Variants in EHMT1 observed in about 807,000 individuals in gnomAD.
The protein encoded by EHMT1 is histone-lysine N-methyltransferase EHMT1.
In EHMT1, 15 loss-of-function variants were observed where a neutral mutation model predicts 147.2. The ratio of observed to expected loss-of-function variants is 0.10; its 90% CI spans 0.07 to 0.16. The LOEUF is 0.16. Among genes scored for constraint, EHMT1 ranks in the 10% least tolerant of loss-of-function variants. The pLI is 1.00. For missense variants in EHMT1, 1,587 were observed against 1,772.4 expected, an observed-to-expected ratio of 0.90 and a Z score of 1.88; for synonymous variants, 795 against 709.6, an observed-to-expected ratio of 1.12 and a Z score of -1.91.
Position 137,786,978 on chromosome 9 carries a change from CTG to C in EHMT1, c.2383-3866_2383-3865del, listed in dbSNP as rs905427953. 1 of 152,346 alleles carries C rather than the reference CTG, an allele frequency of 6.6e-6. No individual in the cohort carries two copies. Among genetic ancestry groups the C allele is most frequent in the Non-Finnish European group, 1.5e-5 (1 of 68,172 alleles). The allele number at this position is 152,346 out of a possible 1,614,324, so 9.4% of individuals were successfully genotyped here. A position where few individuals can be genotyped will look rare whatever the true frequency, so the allele number is the denominator to read the frequency against. On this transcript the variant is annotated intron_variant, in intron 15 of 26. Coordinates refer to ENST00000460843, the MANE Select transcript of EHMT1 (RefSeq NM_024757.5). This position sits in a 1 kb window ranked among gnomAD's most constrained non-coding sequence, Gnocchi z 4.3. Reference sequence around the variant, plus strand: ...GCCCCGGGGTCTTTTCTGACTTGATCTGTGTTTTTGTCCCTGCGGAGGAGTCG... The same window carrying C: ...GCCCCGGGGTCTTTTCTGACTTGATCTGTTTTTGTCCCTGCGGAGGAGTCG...
chr9:137,831,989 C>G (rs1316295567), intron 25 of EHMT1, among the ~76,000 whole-genome samples: 1 of 151,456 alleles, frequency 6.6e-6, no homozygotes, highest in African/African-American at 2.4e-5. Flanking sequence ...GGCTGGGCTC[C>G]CTCCACAGGC....
intron 6 of EHMT1, among the ~76,000 whole-genome samples, chr9:137,748,517 G>A (rs1948728139): frequency 6.6e-6 from 1 of 152,170 alleles, no homozygotes; most frequent in African/African-American, 2.4e-5. Context: ...GAACCGCCAT[G>A]CCTTGTGCTG....
In EHMT1 at chr9:137,787,970, C is replaced by A; in HGVS notation, c.2383-2878C>A. Reference sequence around the variant, plus strand: ...AGGCCCTGTGTCCCCCACTGGACAGCCCCCCAGGAACTGAGGTGCCCTGCA... The same window carrying A: ...AGGCCCTGTGTCCCCCACTGGACAGACCCCCAGGAACTGAGGTGCCCTGCA... On this transcript the variant is annotated intron_variant, in intron 15 of 26. Coordinates refer to ENST00000460843, the MANE Select transcript of EHMT1 (RefSeq NM_024757.5). This position sits in a 1 kb window ranked among gnomAD's most constrained non-coding sequence, Gnocchi z 4.2. The A allele has an allele frequency of 1.3e-6, 2 of 1,485,018 alleles. No individual in the cohort carries two copies. The highest frequency in any genetic ancestry group is 2.3e-5 in the East Asian group (1 of 44,026). 92.0% of individuals were successfully genotyped at this position (1,485,018 alleles called of 1,614,324 possible).
intron 1 of EHMT1, among the ~76,000 whole-genome samples, chr9:137,633,973 C>T (rs904867713): frequency 2.6e-5 from 4 of 151,922 alleles, no homozygotes; most frequent in African/African-American, 7.3e-5. Flanking sequence ...ACCAGCACGC[C>T]GGCTTATTTT....
intron 9 of EHMT1, among the ~76,000 whole-genome samples, chr9:137,758,310 C>G (rs939663436): frequency 6.6e-6 from 1 of 152,240 alleles, no homozygotes; most frequent in Non-Finnish European, 1.5e-5. Context: ...TTGCCCACGG[C>G]CAGACGCCCT....
chr9:137,797,771 A>G (rs1357819760), intron 16 of EHMT1, among the ~76,000 whole-genome samples: 1 of 152,018 alleles, frequency 6.6e-6, no homozygotes, highest in African/African-American at 2.4e-5. Flanking sequence ...CTCCACCGAG[A>G]TAAGGGGAGA....
chr9:137,718,102 C>G lies in EHMT1; in HGVS notation c.642+920C>G, dbSNP rs541274195. Among the ~76,000 whole-genome samples the G allele has an allele frequency of 3.0e-3, 434 of 143,710 alleles. 1 individual carries two copies. The highest frequency in any genetic ancestry group is 0.012 in the African/African-American group (396 of 34,010). The allele number at this position is 143,710 out of a possible 152,430, so 94.3% of individuals were successfully genotyped here. A position where few individuals can be genotyped will look rare whatever the true frequency, so the allele number is the denominator to read the frequency against. ...TTTCACACACAGGGCGCGCCCGCCC[C>G]TCACGCACCGTGATGATTTTCACAC... is the stretch of plus-strand genomic sequence containing the variant. On this transcript the variant is annotated intron_variant, in intron 3 of 26. Coordinates refer to ENST00000460843, the MANE Select transcript of EHMT1 (RefSeq NM_024757.5).
intron 1 of EHMT1, among the ~76,000 whole-genome samples, chr9:137,693,350 G>T (rs1756073428): frequency 6.6e-6 from 1 of 152,028 alleles, no homozygotes; most frequent in Non-Finnish European, 1.5e-5. Flanking sequence ...CAGAACTTAG[G>T]CATCACCCAC....
In EHMT1 at chr9:137,741,350, C is replaced by CAGCAAACTGTTTCCAGGGGACAGGT. The variant is rs544716438; in HGVS notation, c.824-1988_824-1964dup. Among the ~76,000 whole-genome samples, 904 of 151,986 alleles carry CAGCAAACTGTTTCCAGGGGACAGGT rather than the reference C, an allele frequency of 5.9e-3. 11 individuals carry two copies. The highest frequency in any genetic ancestry group is 0.01 in the Middle Eastern group (3 of 292). ...TCACTCAGCCATTCATTACAGGAGT[C>CAGCAAACTGTTTCCAGGGGACAGGT]AGCAAACTGTTTCCAGGGGACAGGT... On this transcript the variant is annotated intron_variant, in intron 4 of 26. Transcript: ENST00000460843.
At position 137,644,420 on chromosome 9, in the gene EHMT1, G is replaced by A. The variant is rs1280703374; in HGVS notation, c.21+25371G>A. Among the ~76,000 whole-genome samples the A allele has an allele frequency of 2.6e-5, 4 of 152,100 alleles. No homozygotes were observed. In the South Asian group the frequency reaches 6.2e-4, roughly 24 times the overall value. ...GCTCACTGCAACCTCTGCCTCCCGG[G>A]TTCAAGCAATTCTCCTTCCTCAGCC... On this transcript the variant is annotated intron_variant, in intron 1 of 26. Transcript: ENST00000460843.
At chr9:137,805,289 C>T (rs563361393) in intron 18 of EHMT1, among the ~76,000 whole-genome samples, 8 of 152,240 alleles carry the variant, frequency 5.3e-5, no homozygotes, top group East Asian at 3.9e-4. Context: ...ATGTATGAGT[C>T]AGTCATCTGC....
intron 15 of EHMT1, chr9:137,788,386 TGACG>T: frequency 3.2e-6 from 1 of 317,442 alleles, no homozygotes; most frequent in South Asian, 9.8e-5. Flanking sequence ...TCAGCCGGGG[TGACG>T]CTCACGCAGG....
At chr9:137,670,431 T>C (rs972158230) in intron 1 of EHMT1, among the ~76,000 whole-genome samples, 1 of 152,160 alleles carries the variant, frequency 6.6e-6, no homozygotes, top group Non-Finnish European at 1.5e-5. Flanking sequence ...TGGGCCTTGC[T>C]ATCCTGCCCC....
At chr9:137,795,430 C>CACA (rs1952844284) in intron 16 of EHMT1, among the ~76,000 whole-genome samples, 3 of 13,572 alleles carry the variant, frequency 2.2e-4, no homozygotes, top group South Asian at 0.017. Context: ...CACACACACT[C>CACA]TCACACTCAC....
chr9:137,645,657 G>A (rs1037976809), intron 1 of EHMT1, among the ~76,000 whole-genome samples: 12 of 152,308 alleles, frequency 7.9e-5, no homozygotes, highest in South Asian at 4.1e-4. Context: ...TGATACACAA[G>A]TGTCTTTTTC....
At chr9:137,784,796 AGGCACTGGG>A (rs1015489086) in intron 15 of EHMT1, 16 of 152,866 alleles carry the variant, frequency 1.0e-4, no homozygotes, top group East Asian at 1.9e-4. Context: ...GAGCCGAGGT[AGGCACTGGG>A]GGCACTGGGG....
At chr9:137,756,247 G>A (rs577400295) in intron 8 of EHMT1, among the ~76,000 whole-genome samples, 1 of 152,322 alleles carries the variant, frequency 6.6e-6, no homozygotes, top group Admixed American at 6.5e-5. Context: ...CTTGGCAGTG[G>A]GTGTGCAGCT....
rs1953308938 is a variant in EHMT1, at chr9:137,799,882, G to C, written c.2607+968G>C. On this transcript the variant is annotated intron_variant, in intron 17 of 26. Transcript: ENST00000460843. The stretch of plus-strand genomic sequence containing the variant: ...GGTCCCTGCATCTGAAGCATCCTCT[G>C]ACCTCTTCTCTCTGACGTTGTACCC... Among the ~76,000 whole-genome samples the C allele has an allele frequency of 3.3e-5, 5 of 152,344 alleles. No individual in the cohort carries two copies. The South Asian group carries it at 1.0e-3, about 32-fold the overall frequency.
In EHMT1 at chr9:137,817,610, T is replaced by G. The variant is rs1268692002; in HGVS notation, c.3461+85T>G. ...GTGTCTGTACTTCAGGAAGCCCCTC[T>G]GGGAGCAGGCACATCCCTGGCGTAC... On this transcript the variant is annotated intron_variant, in intron 24 of 26. Transcript: ENST00000460843. 1.9e-6 allele frequency: 3 copies of G among 1,559,478 alleles called. No homozygotes were observed. In the African/African-American group the frequency reaches 4.1e-5, roughly 21 times the overall value.
Sources: gnomAD v4.1 joint callset for allele counts (sites outside exome capture counted in the v4.1 genomes callset) on GRCh38, gnomAD v4.1.1 for gene constraint, Gnocchi (gnomAD v3.1) non-coding constraint, MANE v1.5 for transcripts, NCBI Gene and HGNC (gene_info 2026-07-23, HGNC 2026-07-21) for gene names.